GMEB1: variants seen among roughly 807,000 people sequenced by gnomAD.
The protein encoded by GMEB1 is glucocorticoid modulatory element binding protein 1.
Under a neutral mutation model 52.4 loss-of-function variants are expected in GMEB1, and 6 were observed. That is an observed-to-expected ratio of 0.11 (90% confidence interval 0.06 to 0.23). GMEB1 has a LOEUF of 0.23. Among genes scored for constraint, GMEB1 ranks in the 10% least tolerant of loss-of-function variants. GMEB1 has a pLI of 1.00. For synonymous variants in GMEB1, 255 were observed against 244.9 expected (o/e 1.04, Z -0.38); for missense variants, 486 against 685.6 (o/e 0.71, Z 3.25).
At position 28,710,071 on chromosome 1, in the gene GMEB1, C is replaced by T. The variant is rs553390383; in HGVS notation, c.869-449C>T. Reference sequence around the variant, plus strand: ...CTGAGGCAGGAGAATGGCGTGAACCCGGGAGGTGGAGGTTGCAATGAGCTG... The same window carrying T: ...CTGAGGCAGGAGAATGGCGTGAACCTGGGAGGTGGAGGTTGCAATGAGCTG... On this transcript the variant is annotated intron_variant, in intron 8 of 9. Coordinates refer to ENST00000373816, the MANE Select transcript of GMEB1 (RefSeq NM_001319674.2). Among the ~76,000 whole-genome samples, 69 of 152,042 alleles carry T rather than the reference C, an allele frequency of 4.5e-4. 1 individual carries two copies. The South Asian group carries it at 0.013, about 29-fold the overall frequency.
chr1:28,678,434 C>T (rs768811962), intron 1 of GMEB1, among the ~76,000 whole-genome samples: 5 of 151,876 alleles, frequency 3.3e-5, no homozygotes, highest in African/African-American at 4.8e-5. Context: ...CTCAGCCTCC[C>T]GAGTAGCTTG....
At chr1:28,695,430 C>T (rs2124527723) in intron 5 of GMEB1, among the ~76,000 whole-genome samples, 1 of 151,474 alleles carries the variant, frequency 6.6e-6, no homozygotes, top group East Asian at 2.0e-4. Flanking sequence ...TGGGGTTTCT[C>T]CATGTTGGTC....
chr1:28,714,678 G>C lies in GMEB1; in HGVS notation c.1597G>C (p.Glu533Gln). 1 of 1,614,140 alleles carries C rather than the reference G, an allele frequency of 6.2e-7. No homozygotes were observed. The highest frequency in any genetic ancestry group is 8.5e-7 in the Non-Finnish European group (1 of 1,180,026). Residue 533 changes from glutamate (E) to glutamine (Q), a missense_variant, in exon 10 of 10, where the codon GAG becomes CAG. Glu to Gln is a conservative substitution (Grantham distance 29). This residue lies in a region of GMEB1 where 153 missense variants were observed against 200.8 expected (regional missense o/e 0.76). Coordinates refer to ENST00000373816, the MANE Select transcript of GMEB1 (RefSeq NM_001319674.2). The part of the protein sequence containing the change: ...EDTEGKAVIL[E>Q]TELRTEEKVV... ...TACTGAGGGCAAAGCAGTCATCTTGGAGACAGAGCTGAGGACTGAGGAGAA... is the reference window on the plus strand; with the variant it reads ...TACTGAGGGCAAAGCAGTCATCTTGCAGACAGAGCTGAGGACTGAGGAGAA...
At chr1:28,709,649 A>G (rs1196843603) in intron 8 of GMEB1, among the ~76,000 whole-genome samples, 1 of 152,048 alleles carries the variant, frequency 6.6e-6, no homozygotes, top group Admixed American at 6.6e-5. Flanking sequence ...ATCTTGGTTC[A>G]CTGTAACGTC....
intron 1 of GMEB1, among the ~76,000 whole-genome samples, chr1:28,682,619 C>CAAA (rs59900537): frequency 1.3e-4 from 7 of 53,612 alleles, no homozygotes; most frequent in African/African-American, 3.7e-4. Flanking sequence ...GACCCTGTCT[C>CAAA]AAAAAAAAAA....
At chr1:28,689,942 G>A (rs2124507007) in intron 2 of GMEB1, 162 bp from the exon 3 acceptor site, 1 of 521,418 alleles carries the variant, frequency 1.9e-6, no homozygotes, top group Admixed American at 3.8e-5. Context: ...AATCCTGGGA[G>A]GTTTGGAGTT....
At position 28,676,599 on chromosome 1, in the gene GMEB1, G is replaced by A. The variant is rs1041141519; in HGVS notation, c.-30-6984G>A. On this transcript the variant is annotated intron_variant, in intron 1 of 9. Transcript: ENST00000373816. ...AAAATTAGGCGGCATGGTGGCAGGCGCCTGTAGTCTCAGCTACTTGGGAGG... is the reference window on the plus strand; with the variant it reads ...AAAATTAGGCGGCATGGTGGCAGGCACCTGTAGTCTCAGCTACTTGGGAGG... Among the ~76,000 whole-genome samples, 8 of 152,132 alleles carry A rather than the reference G, an allele frequency of 5.3e-5. No homozygotes were observed. In the East Asian group the frequency reaches 7.7e-4, roughly 15 times the overall value.
At chr1:28,693,115 T>A (rs1041988211) in intron 5 of GMEB1, 70 bp downstream of exon 5, 1 of 659,864 alleles carries the variant, frequency 1.5e-6, no homozygotes, top group Non-Finnish European at 2.5e-6. Flanking sequence ...GAATCTGGGC[T>A]TTTCTCTTTA....
chr1:28,693,806 T>G (rs898098269), intron 5 of GMEB1, among the ~76,000 whole-genome samples: 6 of 151,980 alleles, frequency 3.9e-5, no homozygotes, highest in Non-Finnish European at 8.8e-5. Context: ...TAAAAAGAAA[T>G]AAAAAATTAA....
chr1:28,686,234 A>G (rs959123444), intron 2 of GMEB1, among the ~76,000 whole-genome samples: 1 of 152,054 alleles, frequency 6.6e-6, no homozygotes, highest in Non-Finnish European at 1.5e-5. Flanking sequence ...CCAGCTACTC[A>G]GGAGGCTGAG....
chr1:28,701,769 A>G (rs1337908298), intron 6 of GMEB1, among the ~76,000 whole-genome samples: 1 of 151,930 alleles, frequency 6.6e-6, no homozygotes, highest in Non-Finnish European at 1.5e-5. Flanking sequence ...TATGTTGCCC[A>G]GGCTGGCCTC....
intron 2 of GMEB1, among the ~76,000 whole-genome samples, chr1:28,684,478 G>A (rs1243187698): frequency 6.6e-6 from 1 of 151,338 alleles, no homozygotes; most frequent in Non-Finnish European, 1.5e-5. Flanking sequence ...CAGGAGAACG[G>A]CGTGAACCCG....
chr1:28,717,829 A>C lies in GMEB1; in HGVS notation c.*3056A>C, dbSNP rs538820113. The C allele has an allele frequency of 1.3e-5, 2 of 152,326 alleles. No homozygotes were observed. The highest frequency in any genetic ancestry group is 3.9e-4 in the East Asian group (2 of 5,188). The allele number at this position is 152,326 out of a possible 1,614,324, so 9.4% of individuals were successfully genotyped here. A position where few individuals can be genotyped will look rare whatever the true frequency, so the allele number is the denominator to read the frequency against. Reference sequence around the variant, plus strand: ...ATTCAGGACAGAAGAGCCCTCGTGAATACCAACGTGCTAGCTCAGGTTCCC... The same window carrying C: ...ATTCAGGACAGAAGAGCCCTCGTGACTACCAACGTGCTAGCTCAGGTTCCC... On this transcript the variant is annotated 3_prime_UTR_variant, in exon 10 of 10. Coordinates refer to ENST00000373816, the MANE Select transcript of GMEB1 (RefSeq NM_001319674.2).
intron 9 of GMEB1, among the ~76,000 whole-genome samples, chr1:28,713,793 C>T (rs1382089207): frequency 2.0e-5 from 3 of 152,102 alleles, no homozygotes; most frequent in Non-Finnish European, 4.4e-5. Context: ...GCCTGTAATC[C>T]CAACACTTTG....
At chr1:28,675,679 CAAAAA>C (rs11316891) in intron 1 of GMEB1, among the ~76,000 whole-genome samples, 4 of 100,164 alleles carry the variant, frequency 4.0e-5, no homozygotes, top group Non-Finnish European at 6.0e-5. Context: ...GACTCTGTCT[CAAAAA>C]AAAAAAAAAA....
intron 5 of GMEB1, among the ~76,000 whole-genome samples, chr1:28,694,820 C>T (rs938215460): frequency 3.3e-5 from 5 of 151,372 alleles, no homozygotes; most frequent in East Asian, 1.9e-4. Flanking sequence ...CACGCCACCT[C>T]GACTGGCTAA....
chr1:28,691,470 A>G, intron 3 of GMEB1, 115 bp from the exon 4 acceptor site: 1 of 593,956 alleles, frequency 1.7e-6, no homozygotes, highest in South Asian at 4.7e-5. Flanking sequence ...TTCCTAAATG[A>G]TACCAGCAAG....
chr1:28,697,357 C>G (rs896239959), intron 6 of GMEB1, among the ~76,000 whole-genome samples: 1 of 151,532 alleles, frequency 6.6e-6, no homozygotes, highest in African/African-American at 2.4e-5. Flanking sequence ...TACAGGCATG[C>G]GCCACCACAC....
In GMEB1 at chr1:28,714,256, T is replaced by G. The variant is rs1671189125; in HGVS notation, c.1175T>G (p.Phe392Cys). 6.2e-7 allele frequency: 1 copy of G among 1,614,050 alleles called. No homozygotes were observed. Residue 392 changes from phenylalanine to cysteine, a missense_variant, in exon 10 of 10, where the codon TTC becomes TGC. Physicochemically the swap from Phe to Cys is radical, Grantham distance 205. Transcript: ENST00000373816. ...TCTCCTCCTGTCCAGCAGCCTCAGT[T>G]CACAGTCATCTCACCCATCACCATC... is the stretch of plus-strand genomic sequence containing the variant. ...SPSPPVQQPQ[F>C]TVISPITITP...
Sources: gnomAD v4.1 joint callset for allele counts (sites outside exome capture counted in the v4.1 genomes callset) on GRCh38, gnomAD v4.1.1 for gene constraint, gnomAD v4.1.1 regional missense constraint, MANE v1.5 for transcripts, NCBI Gene and HGNC (gene_info 2026-07-23, HGNC 2026-07-21) for gene names.